TRPC1: variants seen among roughly 807,000 people sequenced by gnomAD.
TRPC1 encodes the protein short transient receptor potential channel 1.
A neutral mutation model predicts 88.2 loss-of-function variants in TRPC1; 42 were observed. That is an observed-to-expected ratio of 0.48 (90% confidence interval 0.37 to 0.62). The LOEUF (loss-of-function observed/expected upper bound fraction) is 0.62, where lower values mean the gene tolerates loss of function less well. TRPC1 is among the 20% of genes least tolerant of loss of function. The pLI, the probability that TRPC1 is intolerant of heterozygous loss-of-function variation, is 0.00. For missense variants in TRPC1, 699 were observed against 957.3 expected (o/e 0.73, Z 3.56); for synonymous variants, 288 against 331.8 (o/e 0.87, Z 1.43).
At chr3:142,746,837 G>A (rs1047615727) in intron 3 of TRPC1, among the ~76,000 whole-genome samples, 30 of 151,120 alleles carry the variant, frequency 2.0e-4, no homozygotes, top group Non-Finnish European at 1.3e-4. Context: ...CAGCCTGGGC[G>A]AAAGAGCGAG....
At position 142,792,774 on chromosome 3, in the gene TRPC1, C is replaced by A; in HGVS notation, c.1438-50C>A. On this transcript the variant is annotated intron_variant, in intron 8 of 12. Coordinates refer to ENST00000476941, the MANE Select transcript of TRPC1 (RefSeq NM_001251845.2). The surrounding 1 kb of genome is among the most constrained non-coding windows in gnomAD (Gnocchi z 4.0). ...CAGTCAGAATATTTGCTTTTATTTT[C>A]CTAAATTGAGAGAGCTTATTTACCT... 1.4e-6 allele frequency: 2 copies of A among 1,467,088 alleles called. No homozygotes were observed. Among genetic ancestry groups the A allele is most frequent in the Non-Finnish European group, 9.0e-7 (1 of 1,109,498 alleles). 90.9% of individuals were successfully genotyped at this position (1,467,088 alleles called of 1,614,324 possible).
intron 4 of TRPC1, among the ~76,000 whole-genome samples, chr3:142,764,728 T>G (rs1935324021): frequency 6.6e-6 from 1 of 152,120 alleles, no homozygotes; most frequent in African/African-American, 2.4e-5. Context: ...GTTTGATTAT[T>G]ATATGTCTTG....
At position 142,759,918 on chromosome 3, in the gene TRPC1, G is replaced by A. The variant is rs200241447; in HGVS notation, c.632+11458G>A. Among the ~76,000 whole-genome samples, 177 of 152,194 alleles carry A rather than the reference G, an allele frequency of 1.2e-3. 1 individual carries two copies. Among genetic ancestry groups the A allele is most frequent in the Admixed American group, 4.1e-3 (62 of 15,278 alleles). On this transcript the variant is annotated intron_variant, in intron 4 of 12. Coordinates refer to ENST00000476941, the MANE Select transcript of TRPC1 (RefSeq NM_001251845.2). ...TGCCCAGGCTGGAGTGCAGTGGCGC[G>A]ATCTCGGCTCACTGCAAGCTCCGCC...
intron 9 of TRPC1, among the ~76,000 whole-genome samples, chr3:142,793,679 G>A (rs1209650326): frequency 2.6e-5 from 4 of 151,740 alleles, no homozygotes; most frequent in African/African-American, 9.7e-5. Flanking sequence ...CAGAAGGTGG[G>A]GTCAACTCTG....
At position 142,779,863 on chromosome 3, in the gene TRPC1, T is replaced by A. The variant is rs13080134; in HGVS notation, c.765-971T>A. 1.5e-3 allele frequency among the ~76,000 whole-genome samples: 128 copies of A among 83,466 alleles called. 1 individual carries two copies. Among genetic ancestry groups the A allele is most frequent in the Middle Eastern group, 5.2e-3 (1 of 194 alleles). The allele number at this position is 83,466 out of a possible 152,430, so 54.8% of individuals were successfully genotyped here. The stretch of plus-strand genomic sequence containing the variant: ...TAGACATAAAGTTAATGTAATTGAT[T>A]TTTTTTTTTTTTTTTTTTTGGAGAC... On this transcript the variant is annotated intron_variant, in intron 5 of 12. Coordinates refer to ENST00000476941, the MANE Select transcript of TRPC1 (RefSeq NM_001251845.2).
chr3:142,765,296 A>G (rs1450531917), intron 4 of TRPC1, among the ~76,000 whole-genome samples: 3 of 152,130 alleles, frequency 2.0e-5, no homozygotes, highest in African/African-American at 7.2e-5. Flanking sequence ...TACCAACATC[A>G]TTTTTCACAG....
chr3:142,731,415 C>A (rs545041518), intron 1 of TRPC1, among the ~76,000 whole-genome samples: 1 of 120,030 alleles, frequency 8.3e-6, no homozygotes, highest in Non-Finnish European at 1.6e-5. Context: ...GACCGAGTCT[C>A]GCTCTGTCGC....
At position 142,724,774 on chromosome 3, in the gene TRPC1, C is replaced by T. The variant is rs1337335295; in HGVS notation, c.172+43C>T. On this transcript the variant is annotated intron_variant, in intron 1 of 12. Coordinates refer to ENST00000476941, the MANE Select transcript of TRPC1 (RefSeq NM_001251845.2). This position sits in a 1 kb window ranked among gnomAD's most constrained non-coding sequence, Gnocchi z 5.6. ...TTCTCCTCTGGACGCCCCTGTCCTC[C>T]AGACCTTTAGTCCTCTCCCCCGCCT... 1.3e-6 allele frequency: 2 copies of T among 1,501,856 alleles called. No individual in the cohort carries two copies. The highest frequency in any genetic ancestry group is 1.8e-6 in the Non-Finnish European group (2 of 1,117,586). The allele number at this position is 1,501,856 out of a possible 1,614,324, so 93.0% of individuals were successfully genotyped here. A position where few individuals can be genotyped will look rare whatever the true frequency, so the allele number is the denominator to read the frequency against.
At chr3:142,805,380 T>C (rs1261751055) in intron 12 of TRPC1, among the ~76,000 whole-genome samples, 1 of 152,184 alleles carries the variant, frequency 6.6e-6, no homozygotes, top group African/African-American at 2.4e-5. Flanking sequence ...TAATTCAATA[T>C]ATGTTACTAT....
chr3:142,768,197 T>C (rs1424768156), intron 4 of TRPC1, among the ~76,000 whole-genome samples: 1 of 152,120 alleles, frequency 6.6e-6, no homozygotes, highest in Non-Finnish European at 1.5e-5. Flanking sequence ...AATTTCAGTT[T>C]GGTCATATTG....
At chr3:142,789,421 T>C (rs1245861337) in intron 7 of TRPC1, among the ~76,000 whole-genome samples, 1 of 152,230 alleles carries the variant, frequency 6.6e-6, no homozygotes, top group Non-Finnish European at 1.5e-5. Flanking sequence ...TAAGGTGGAA[T>C]TGTTAAAAAT....
In TRPC1 at chr3:142,777,124, C is replaced by T. The variant is rs74989008; in HGVS notation, c.633-508C>T. Among the ~76,000 whole-genome samples the T allele has an allele frequency of 6.0e-4, 92 of 152,118 alleles. No individual in the cohort carries two copies. In the East Asian group the frequency reaches 0.016, roughly 27 times the overall value. Reference sequence around the variant, plus strand: ...GCCAGGAGCTTAAGACTAGCTGGGCCACATAGCATGACCCTGTCTCTATAA... The same window carrying T: ...GCCAGGAGCTTAAGACTAGCTGGGCTACATAGCATGACCCTGTCTCTATAA... On this transcript the variant is annotated intron_variant, in intron 4 of 12. Coordinates refer to ENST00000476941, the MANE Select transcript of TRPC1 (RefSeq NM_001251845.2).
At chr3:142,751,591 G>A (rs1934766564) in intron 4 of TRPC1, among the ~76,000 whole-genome samples, 3 of 152,124 alleles carry the variant, frequency 2.0e-5, no homozygotes, top group African/African-American at 7.2e-5. Flanking sequence ...GTATGTAAAT[G>A]GTAATTAAAT....
intron 5 of TRPC1, among the ~76,000 whole-genome samples, chr3:142,779,025 A>G (rs2108113609): frequency 6.6e-6 from 1 of 152,350 alleles, no homozygotes; most frequent in East Asian, 1.9e-4. Context: ...TTCTGTTTAA[A>G]TATGAAAAAC....
rs763868982 is a variant in TRPC1, at chr3:142,736,416, C to G, written c.210C>G (p.Asn70Lys). ...YYMVKKILEE[N>K]SSGDLNINCV... ...TGGTTAAAAAGATTTTGGAGGAAAA[C>G]AGTTCAGGTGACTTGAACATAAATT... The change falls in exon 2 of 13, where the codon AAC becomes AAG. Residue 70 changes from asparagine (N) to lysine (K), a missense_variant. Transcript: ENST00000476941. 96 of 1,609,746 alleles carry G rather than the reference C, an allele frequency of 6.0e-5. No homozygotes were observed. The highest frequency in any genetic ancestry group is 7.6e-5 in the Non-Finnish European group (89 of 1,178,586).
chr3:142,724,665 G>A lies in TRPC1; in HGVS notation c.106G>A (p.Asp36Asn), dbSNP rs777998269. 1.9e-6 allele frequency: 3 copies of A among 1,612,556 alleles called. No homozygotes were observed. Among genetic ancestry groups the A allele is most frequent in the South Asian group, 1.1e-5 (1 of 91,030 alleles). ...SSPNEVMALK[D>N]VREVKEENTL... is the part of the protein sequence containing the mutation. Reference sequence around the variant, plus strand: ...GCCGAACGAGGTGATGGCGCTGAAGGATGTGCGGGAGGTGAAGGAGGAGAA... The same window carrying A: ...GCCGAACGAGGTGATGGCGCTGAAGAATGTGCGGGAGGTGAAGGAGGAGAA... Residue 36 changes from aspartate (D) to asparagine (N), a missense_variant, in exon 1 of 13, where the codon GAT (aspartate) becomes AAT (asparagine). Coordinates refer to ENST00000476941, the MANE Select transcript of TRPC1 (RefSeq NM_001251845.2). The surrounding 1 kb of genome is among the most constrained non-coding windows in gnomAD (Gnocchi z 5.6).
chr3:142,748,634 T>C (rs1323142367), intron 4 of TRPC1, among the ~76,000 whole-genome samples, 174 bp downstream of exon 4: 1 of 152,246 alleles, frequency 6.6e-6, no homozygotes, highest in African/African-American at 2.4e-5. Context: ...TTTTAAGAAG[T>C]GTTCACCAAA....
intron 4 of TRPC1, among the ~76,000 whole-genome samples, chr3:142,751,506 C>T (rs1056733123): frequency 8.6e-5 from 13 of 152,026 alleles, no homozygotes; most frequent in African/African-American, 3.1e-4. Context: ...TAATGATGTT[C>T]GCAAAACGAT....
Position 142,807,580 on chromosome 3 carries a change from ATTG to A in TRPC1, c.*1348_*1350del, listed in dbSNP as rs1374488030. 6.6e-6 allele frequency: 1 copy of A among 152,144 alleles called. No homozygotes were observed. Among genetic ancestry groups the A allele is most frequent in the Non-Finnish European group, 1.5e-5 (1 of 68,010 alleles). The allele number at this position is 152,144 out of a possible 1,614,324, so 9.4% of individuals were successfully genotyped here. On this transcript the variant is annotated 3_prime_UTR_variant, in exon 13 of 13. Transcript: ENST00000476941. ...GGGATCATTGTCTAAATAGGTTACTATTGTTTGTTTCATCTTGCTTTTGCATTT... is the reference window on the plus strand; with the variant it reads ...GGGATCATTGTCTAAATAGGTTACTATTTGTTTCATCTTGCTTTTGCATTT...
Sources: allele counts gnomAD v4.1 joint callset (sites outside exome capture counted in the v4.1 genomes callset), GRCh38; gene constraint gnomAD v4.1.1; non-coding constraint Gnocchi (gnomAD v3.1); transcripts MANE v1.5; gene names NCBI Gene and HGNC (gene_info 2026-07-23, HGNC 2026-07-21).